The following DCC variants were observed in gnomAD, a reference collection of about 807,000 sequenced individuals.
The protein encoded by DCC is DCC netrin 1 receptor.
A neutral mutation model predicts 172.5 loss-of-function variants in DCC; 58 were observed. The ratio of observed to expected loss-of-function variants is 0.34; its 90% confidence interval spans 0.27 to 0.42. DCC has a LOEUF of 0.42. DCC is among the 10% of genes least tolerant of loss of function. DCC has a pLI of 1.00. For synonymous variants in DCC, 709 were observed against 644.5 expected, an observed-to-expected ratio of 1.10 and a Z score of -1.52; for missense variants, 1,740 against 1,791.0, an observed-to-expected ratio of 0.97 and a Z score of 0.51.
chr18:52,505,105 C>T (rs555744173), intron 1 of DCC, among the ~76,000 whole-genome samples: 3 of 152,222 alleles, frequency 2.0e-5, no homozygotes, highest in African/African-American at 7.2e-5. Flanking sequence ...GGGGAAAGAT[C>T]AGAGAACGTA....
At chr18:53,474,020 T>G (rs1362918344) in intron 25 of DCC, among the ~76,000 whole-genome samples, 1 of 141,446 alleles carries the variant, frequency 7.1e-6, no homozygotes, top group Non-Finnish European at 1.6e-5. Flanking sequence ...AGAAATTAAT[T>G]TTTGTTATTT....
At chr18:52,585,323 T>G in intron 1 of DCC, among the ~76,000 whole-genome samples, 1 of 152,164 alleles carries the variant, frequency 6.6e-6, no homozygotes, top group African/African-American at 2.4e-5. Context: ...ACAGAAAACA[T>G]TTTTTCCTTC....
intron 15 of DCC, among the ~76,000 whole-genome samples, chr18:53,358,530 C>CTTTTTTTTTT (rs35093625): frequency 6.3e-5 from 6 of 95,922 alleles, no homozygotes; most frequent in Non-Finnish European, 9.5e-5. Flanking sequence ...TTCTCTCTCT[C>CTTTTTTTTTT]TTTTTTTTTT....
intron 12 of DCC, among the ~76,000 whole-genome samples, chr18:53,278,950 T>C (rs2056836760): frequency 6.6e-6 from 1 of 152,160 alleles, no homozygotes; most frequent in Admixed American, 6.6e-5. Context: ...CTGGGTCAAA[T>C]GGTATTTCTA....
chr18:52,427,653 C>T (rs1428797629), intron 1 of DCC, among the ~76,000 whole-genome samples: 1 of 152,006 alleles, frequency 6.6e-6, no homozygotes, highest in Admixed American at 6.6e-5. Context: ...ACCTATAAGG[C>T]CCCCTGAAGG....
At chr18:53,387,613 C>T (rs1908251459) in intron 16 of DCC, among the ~76,000 whole-genome samples, 1 of 152,134 alleles carries the variant, frequency 6.6e-6, no homozygotes, top group African/African-American at 2.4e-5. Flanking sequence ...TAAGAGCTAA[C>T]AGATGGGTGT....
At chr18:52,376,387 G>A (rs113282642) in intron 1 of DCC, among the ~76,000 whole-genome samples, 88 of 152,272 alleles carry the variant, frequency 5.8e-4, no homozygotes, top group African/African-American at 2.0e-3. Context: ...TGGAGGAGGA[G>A]GGAGGGGTTA....
intron 12 of DCC, among the ~76,000 whole-genome samples, chr18:53,240,598 C>A (rs1598937799): frequency 6.6e-6 from 1 of 152,208 alleles, no homozygotes; most frequent in African/African-American, 2.4e-5. Context: ...ATTTGCTTGA[C>A]TTTTTATAGC....
chr18:53,378,131 T>C (rs1347184184), intron 15 of DCC, among the ~76,000 whole-genome samples: 1 of 152,042 alleles, frequency 6.6e-6, no homozygotes, highest in African/African-American at 2.4e-5. Context: ...CCAGCTAATT[T>C]TTCTATTTTT....
At chr18:53,338,696 C>A (rs2057619081) in intron 14 of DCC, among the ~76,000 whole-genome samples, 1 of 152,114 alleles carries the variant, frequency 6.6e-6, no homozygotes, top group South Asian at 2.1e-4. Context: ...ACATAAAAAT[C>A]AGAACAATTT....
intron 2 of DCC, among the ~76,000 whole-genome samples, chr18:52,776,020 A>G (rs1024863427): frequency 2.1e-4 from 32 of 152,108 alleles, no homozygotes; most frequent in Non-Finnish European, 2.8e-4. Flanking sequence ...CACTCACACT[A>G]CAGCAGAGTT....
At chr18:52,797,167 G>A (rs556096950) in intron 2 of DCC, among the ~76,000 whole-genome samples, 13 of 151,980 alleles carry the variant, frequency 8.6e-5, no homozygotes, top group Admixed American at 3.3e-4. Context: ...AGCATAAATT[G>A]TTTCTCTGAT....
At chr18:52,484,133 C>T (rs1442331428) in intron 1 of DCC, among the ~76,000 whole-genome samples, 2 of 152,228 alleles carry the variant, frequency 1.3e-5, no homozygotes, top group African/African-American at 4.8e-5. Context: ...AGAAGCCAAC[C>T]TTATGACCAT....
chr18:53,119,754 T>C (rs1465017009), intron 7 of DCC, among the ~76,000 whole-genome samples: 1 of 151,794 alleles, frequency 6.6e-6, no homozygotes, highest in South Asian at 2.1e-4. Context: ...AGTCACCTCT[T>C]AGGCACTAAT....
At chr18:53,277,207 C>G (rs190296581) in intron 12 of DCC, among the ~76,000 whole-genome samples, 1 of 152,134 alleles carries the variant, frequency 6.6e-6, no homozygotes, top group Non-Finnish European at 1.5e-5. Context: ...CGATAGCTCA[C>G]GCCTATAATC....
At chr18:52,990,700 A>G (rs1327850069) in intron 5 of DCC, among the ~76,000 whole-genome samples, 1 of 152,160 alleles carries the variant, frequency 6.6e-6, no homozygotes, top group East Asian at 1.9e-4. Context: ...CTAAGCATGT[A>G]TTGATATTTT....
In DCC at chr18:53,215,606, G is replaced by A. The variant is rs760159681; in HGVS notation, c.1911+9G>A. 30 of 1,610,772 alleles carry A rather than the reference G, an allele frequency of 1.9e-5. No individual in the cohort carries two copies. The highest frequency in any genetic ancestry group is 5.0e-5 in the Admixed American group (3 of 59,982). On this transcript the variant is annotated intron_variant, in intron 12 of 28. Transcript: ENST00000442544. ...AAGTGGTCAATTCAAGAGTAAGTTG[G>A]CTAAATGTTCACTACTCCATTACCT...
chr18:52,925,459 A>G lies in DCC; in HGVS notation c.985+89A>G, dbSNP rs770418524. The G allele has an allele frequency of 3.5e-5, 47 of 1,360,554 alleles. No homozygotes were observed. The East Asian group carries it at 1.0e-3, about 30-fold the overall frequency. The allele number at this position is 1,360,554 out of a possible 1,614,324, so 84.3% of individuals were successfully genotyped here. A position where few individuals can be genotyped will look rare whatever the true frequency, so the allele number is the denominator to read the frequency against. ...AATGCTCATCACTGAATTGATTCCT[A>G]TGTTTATTAGTGTGAAATTGCAAAG... On this transcript the variant is annotated intron_variant, in intron 5 of 28. Transcript: ENST00000442544.
chr18:52,643,448 T>A (rs1032640795), intron 1 of DCC, among the ~76,000 whole-genome samples: 1 of 152,214 alleles, frequency 6.6e-6, no homozygotes, highest in Admixed American at 6.5e-5. Context: ...TTGGCCATCC[T>A]TCGCAATGCT....
Sources: allele counts gnomAD v4.1 joint callset (sites outside exome capture counted in the v4.1 genomes callset), GRCh38; gene constraint gnomAD v4.1.1; transcripts MANE v1.5; gene names NCBI Gene and HGNC (gene_info 2026-07-23, HGNC 2026-07-21).